The following PTPRN2 variants were observed in gnomAD, a reference collection of about 807,000 sequenced individuals.
The protein encoded by PTPRN2 is receptor-type tyrosine-protein phosphatase N2.
PTPRN2 carries 74 observed loss-of-function variants against 118.8 expected under a neutral mutation model. That is an observed-to-expected ratio of 0.62 (90% CI 0.52 to 0.76). PTPRN2 has a LOEUF of 0.76. Among genes scored for constraint, PTPRN2 ranks in the 30% least tolerant of loss-of-function variants. The pLI is 0.00. For synonymous variants in PTPRN2, 641 were observed against 608.0 expected, an observed-to-expected ratio of 1.05 and a Z score of -0.80; for missense variants, 1,481 against 1,394.4, an observed-to-expected ratio of 1.06 and a Z score of -0.99.
At chr7:158,040,079 A>G (rs1010528289) in intron 11 of PTPRN2, among the ~76,000 whole-genome samples, 18 of 142,316 alleles carry the variant, frequency 1.3e-4, no homozygotes, top group African/African-American at 4.1e-4. Context: ...GAGAGAGAGA[A>G]AAAAAAAGAA....
At chr7:158,100,988 A>G (rs1815184710) in intron 10 of PTPRN2, among the ~76,000 whole-genome samples, 1 of 152,172 alleles carries the variant, frequency 6.6e-6, no homozygotes, top group Admixed American at 6.5e-5. Flanking sequence ...CCATCAAAAT[A>G]CCACCATCAT....
intron 3 of PTPRN2, among the ~76,000 whole-genome samples, chr7:158,245,326 C>T (rs767245594): frequency 5.9e-5 from 9 of 152,300 alleles, no homozygotes; most frequent in East Asian, 3.9e-4. Flanking sequence ...GTGGTCATGC[C>T]GGAATCCACT....
chr7:157,693,489 C>T (rs1178427264), intron 12 of PTPRN2, among the ~76,000 whole-genome samples: 1 of 152,152 alleles, frequency 6.6e-6, no homozygotes, highest in African/African-American at 2.4e-5. Context: ...GCATCCTGCC[C>T]TCGCTGCCCC....
intron 2 of PTPRN2, among the ~76,000 whole-genome samples, chr7:158,334,559 T>A (rs1298902683): frequency 5.0e-4 from 53 of 105,790 alleles, no homozygotes; most frequent in African/African-American, 1.8e-3. Context: ...ACTCTCACCA[T>A]AAGAGCTCTC....
intron 11 of PTPRN2, among the ~76,000 whole-genome samples, chr7:157,927,187 C>A (rs1275386919): frequency 1.0e-5 from 1 of 95,254 alleles, no homozygotes; most frequent in Non-Finnish European, 2.0e-5. Context: ...AGAGGCCTCG[C>A]GTCTTCTGGG....
chr7:158,294,931 G>A lies in PTPRN2; in HGVS notation c.277+21888C>T, dbSNP rs376328024. Among the ~76,000 whole-genome samples the A allele has an allele frequency of 1.3e-4, 17 of 128,246 alleles. 1 individual carries two copies. In the South Asian group the frequency reaches 1.6e-3, roughly 12 times the overall value. The allele number at this position is 128,246 out of a possible 152,430, so 84.1% of individuals were successfully genotyped here. ...AGACACTGCGCCACTTTCCACGCGC[G>A]TGGTTCACCCACCTTTCTGAGGGTC... On this transcript the variant is annotated intron_variant, in intron 3 of 22. Transcript: ENST00000389418.
intron 12 of PTPRN2, among the ~76,000 whole-genome samples, chr7:157,731,077 T>C (rs1799871587): frequency 6.6e-6 from 1 of 152,110 alleles, no homozygotes; most frequent in South Asian, 2.1e-4. Flanking sequence ...GTAAACCCCC[T>C]GCAGTTCCCA....
chr7:158,081,509 G>C, intron 10 of PTPRN2, 132 bp from the exon 11 acceptor site: 2 of 747,278 alleles, frequency 2.7e-6, no homozygotes, highest in Admixed American at 2.2e-5. Context: ...TCCAGGCGTC[G>C]ACTCCACTGG....
At chr7:157,710,361 C>T (rs1460680079) in intron 12 of PTPRN2, among the ~76,000 whole-genome samples, 4 of 152,134 alleles carry the variant, frequency 2.6e-5, no homozygotes, top group Non-Finnish European at 5.9e-5. Context: ...GTAATCTCAG[C>T]ACTTTGGGAG....
chr7:158,390,703 C>T (rs537481197), intron 2 of PTPRN2, among the ~76,000 whole-genome samples: 1 of 152,372 alleles, frequency 6.6e-6, no homozygotes, highest in Admixed American at 6.5e-5. Flanking sequence ...AACCACCAGC[C>T]CCTCAGCTCT....
intron 6 of PTPRN2, among the ~76,000 whole-genome samples, chr7:158,149,480 A>T (rs922557243): frequency 6.6e-6 from 1 of 152,098 alleles, no homozygotes; most frequent in Non-Finnish European, 1.5e-5. Flanking sequence ...TCTCTAACAA[A>T]GGCAATCCAA....
At chr7:157,650,740 G>A (rs576540654) in intron 14 of PTPRN2, among the ~76,000 whole-genome samples, 5 of 152,370 alleles carry the variant, frequency 3.3e-5, no homozygotes, top group South Asian at 2.1e-4. Context: ...CCAAGGCCCC[G>A]GCACTGGTGG....
In PTPRN2 at chr7:157,874,519, C is replaced by T. The variant is rs577915552; in HGVS notation, c.1788+24154G>A. 5.9e-5 allele frequency among the ~76,000 whole-genome samples: 9 copies of T among 152,310 alleles called. No individual in the cohort carries two copies. The highest frequency in any genetic ancestry group is 1.9e-4 in the East Asian group (1 of 5,182). Reference sequence around the variant, plus strand: ...AAGGAAGTTCATGTCCCCCTTAACTCGAGCTTTTATTTCAGTGAAGCTTCG... The same window carrying T: ...AAGGAAGTTCATGTCCCCCTTAACTTGAGCTTTTATTTCAGTGAAGCTTCG... On this transcript the variant is annotated intron_variant, in intron 12 of 22. Coordinates refer to ENST00000389418, the MANE Select transcript of PTPRN2 (RefSeq NM_002847.5). The surrounding 1 kb of genome is among the most constrained non-coding windows in gnomAD (Gnocchi z 5.8).
chr7:158,166,972 GA>G lies in PTPRN2; in HGVS notation c.868del (p.Ser290HisfsTer22). On this transcript the variant is annotated frameshift_variant, in exon 6 of 23. Transcript: ENST00000389418. LOFTEE classifies it high-confidence loss of function. ...LAPAAPQKWP[S>X]PLGDSEDPSS... is the part of the protein sequence containing the mutation. ...GGGGTCTTCGGAATCTCCCAGAGGT[GA>G]AGGCCACTTCTGGGGGGCGGCTGGT... 1 of 1,454,440 alleles carries G rather than the reference GA, an allele frequency of 6.9e-7. No homozygotes were observed. The highest frequency in any genetic ancestry group is 9.1e-7 in the Non-Finnish European group (1 of 1,099,144). 90.1% of individuals were successfully genotyped at this position (1,454,440 alleles called of 1,614,324 possible).
At chr7:158,370,949 A>G (rs146912820) in intron 2 of PTPRN2, among the ~76,000 whole-genome samples, 218 of 152,352 alleles carry the variant, frequency 1.4e-3, no homozygotes, top group Middle Eastern at 3.4e-3. Flanking sequence ...TTTGAATTCT[A>G]AAGAATCAAA....
intron 12 of PTPRN2, among the ~76,000 whole-genome samples, chr7:157,821,164 G>A (rs553336783): frequency 6.6e-6 from 1 of 152,246 alleles, no homozygotes; most frequent in Non-Finnish European, 1.5e-5. Flanking sequence ...TGCCTCTGCT[G>A]AATGTAGGTG....
At chr7:158,118,884 G>A (rs1285954563) in intron 9 of PTPRN2, among the ~76,000 whole-genome samples, 1 of 152,020 alleles carries the variant, frequency 6.6e-6, no homozygotes, top group Non-Finnish European at 1.5e-5. Context: ...TCTATTTTTT[G>A]TAGAGATGGG....
chr7:158,475,140 G>C (rs1355530096), intron 2 of PTPRN2, among the ~76,000 whole-genome samples: 1 of 152,270 alleles, frequency 6.6e-6, no homozygotes, highest in South Asian at 2.1e-4. Flanking sequence ...CTGACGCCAC[G>C]GTGGCAGGCG....
chr7:157,665,426 AT>A (rs1796088460), intron 13 of PTPRN2, among the ~76,000 whole-genome samples: 1 of 152,182 alleles, frequency 6.6e-6, no homozygotes, highest in Non-Finnish European at 1.5e-5. Context: ...TTGATTGTAG[AT>A]TTAGCTGCGA....
Sources: allele counts gnomAD v4.1 joint callset (sites outside exome capture counted in the v4.1 genomes callset), GRCh38; gene constraint gnomAD v4.1.1; non-coding constraint Gnocchi (gnomAD v3.1); transcripts MANE v1.5; gene names NCBI Gene and HGNC (gene_info 2026-07-23, HGNC 2026-07-21).